The following RAD54B variants were observed in gnomAD, a reference collection of about 807,000 sequenced individuals.
RAD54B encodes the protein RAD54 homolog B.
In RAD54B, 78 loss-of-function variants were observed where a neutral mutation model predicts 95.8. The ratio of observed to expected loss-of-function variants is 0.81; its 90% CI spans 0.68 to 0.98. RAD54B has a LOEUF of 0.98. Among genes scored for constraint, RAD54B ranks in the 50% least tolerant of loss-of-function variants. RAD54B has a pLI of 0.00. For missense variants in RAD54B, 957 were observed against 1,056.6 expected, an observed-to-expected ratio of 0.91 and a Z score of 1.31; for synonymous variants, 328 against 354.9, an observed-to-expected ratio of 0.92 and a Z score of 0.85.
chr8:94,474,780 C>A (rs1563670774), intron 1 of RAD54B, among the ~76,000 whole-genome samples: 1 of 152,192 alleles, frequency 6.6e-6, no homozygotes, highest in African/African-American at 2.4e-5. Flanking sequence ...AACCCTAAAC[C>A]CCCACCGCCC....
intron 3 of RAD54B, among the ~76,000 whole-genome samples, chr8:94,434,294 T>C (rs1211589462): frequency 2.0e-5 from 3 of 151,840 alleles, no homozygotes; most frequent in Admixed American, 2.0e-4. Context: ...TCTGGAACAT[T>C]CCTTTCCATT....
chr8:94,383,380 A>G, intron 11 of RAD54B, among the ~76,000 whole-genome samples: 1 of 152,044 alleles, frequency 6.6e-6, no homozygotes, highest in East Asian at 1.9e-4. Flanking sequence ...CTCACAGAGG[A>G]AAGACAAAGA....
At chr8:94,470,712 C>T (rs1297134906) in intron 1 of RAD54B, among the ~76,000 whole-genome samples, 2 of 150,284 alleles carry the variant, frequency 1.3e-5, no homozygotes, top group Non-Finnish European at 3.0e-5. Context: ...AAGCTGAGAT[C>T]GCACCACTGC....
At chr8:94,430,099 G>A in intron 3 of RAD54B, 1 of 846,034 alleles carries the variant, frequency 1.2e-6, no homozygotes, top group Non-Finnish European at 1.4e-6. Context: ...AGATCACGAG[G>A]TCAGGAGATC....
At chr8:94,408,472 G>A (rs1371731655) in intron 4 of RAD54B, among the ~76,000 whole-genome samples, 6 of 152,036 alleles carry the variant, frequency 3.9e-5, no homozygotes, top group Admixed American at 3.9e-4. Flanking sequence ...AAGCAAAGGA[G>A]CTGTGTATAC....
At chr8:94,435,001 G>T (rs1381582590) in intron 3 of RAD54B, among the ~76,000 whole-genome samples, 1 of 151,608 alleles carries the variant, frequency 6.6e-6, no homozygotes, top group Admixed American at 6.6e-5. Flanking sequence ...TTTAAAATAT[G>T]CAACTAACTA....
At chr8:94,373,995 C>T (rs762557716) in intron 14 of RAD54B, among the ~76,000 whole-genome samples, 19 of 152,110 alleles carry the variant, frequency 1.2e-4, no homozygotes, top group Non-Finnish European at 1.5e-4. Context: ...AAAGAGATGA[C>T]AAGGCCGGGC....
chr8:94,445,386 T>C (rs1812497492), intron 3 of RAD54B, among the ~76,000 whole-genome samples: 1 of 152,154 alleles, frequency 6.6e-6, no homozygotes, highest in South Asian at 2.1e-4. Flanking sequence ...CCTTTGTAAT[T>C]TTCACTTTCC....
In RAD54B at chr8:94,387,149, C is replaced by T. The variant is rs1352207468; in HGVS notation, c.1820G>A (p.Cys607Tyr). ...LLFNSIKEKE[C>Y]SSTCDKNEEK... ...TTCATTTTTATCACAAGTTGAGCTA[C>T]ATTCCTTTTCCTATTCAAAATGATG... The change falls in exon 11 of 15, where the codon TGT becomes TAT. Residue 607 changes from cysteine to tyrosine, a missense_variant. Cys to Tyr is a radical substitution (Grantham distance 194). Transcript: ENST00000336148. 3.1e-6 allele frequency: 5 copies of T among 1,588,508 alleles called. No homozygotes were observed. The highest frequency in any genetic ancestry group is 2.3e-5 in the South Asian group (2 of 85,334).
At chr8:94,451,030 G>C (rs1309469655) in intron 3 of RAD54B, among the ~76,000 whole-genome samples, 1 of 152,090 alleles carries the variant, frequency 6.6e-6, no homozygotes, top group Non-Finnish European at 1.5e-5. Context: ...GATAAATATA[G>C]ATGTAATCAT....
At chr8:94,413,453 G>C (rs1264138453) in intron 3 of RAD54B, among the ~76,000 whole-genome samples, 1 of 152,100 alleles carries the variant, frequency 6.6e-6, no homozygotes, top group Non-Finnish European at 1.5e-5. Context: ...AATGAGGAAA[G>C]GAAAGTCTTT....
intron 2 of RAD54B, 123 bp from the exon 3 acceptor site, chr8:94,458,559 T>A: frequency 2.9e-6 from 2 of 692,022 alleles, no homozygotes; most frequent in Non-Finnish European, 4.4e-6. Flanking sequence ...AAACTAGAAC[T>A]AGATATTTAA....
At chr8:94,444,982 GACCC>G (rs1248676452) in intron 3 of RAD54B, among the ~76,000 whole-genome samples, 1 of 152,142 alleles carries the variant, frequency 6.6e-6, no homozygotes, top group Non-Finnish European at 1.5e-5. Context: ...AGGCACACCT[GACCC>G]ACTCACATTT....
intron 3 of RAD54B, among the ~76,000 whole-genome samples, chr8:94,448,932 A>G (rs1812586076): frequency 6.6e-6 from 1 of 152,156 alleles, no homozygotes; most frequent in Non-Finnish European, 1.5e-5. Flanking sequence ...TGCTCTGGTC[A>G]CACACAAAAA....
At chr8:94,447,349 C>A (rs1409686829) in intron 3 of RAD54B, among the ~76,000 whole-genome samples, 2 of 152,164 alleles carry the variant, frequency 1.3e-5, no homozygotes, top group East Asian at 3.8e-4. Context: ...AGCCTCTCTG[C>A]CTCAGAAGCT....
intron 3 of RAD54B, among the ~76,000 whole-genome samples, chr8:94,413,827 CT>C (rs34318667): frequency 0.14 from 19,372 of 139,074 alleles, 1,819 homozygotes; most frequent in African/African-American, 0.27. Context: ...AATAATTATT[CT>C]TTTTTTTTTT....
intron 3 of RAD54B, among the ~76,000 whole-genome samples, chr8:94,416,136 A>G (rs1811657724): frequency 2.0e-5 from 3 of 151,570 alleles, no homozygotes; most frequent in Admixed American, 2.0e-4. Context: ...ACAATGATAG[A>G]CTGGATTAAG....
chr8:94,465,387 A>G (rs1812998859), intron 2 of RAD54B, among the ~76,000 whole-genome samples: 1 of 152,246 alleles, frequency 6.6e-6, no homozygotes, highest in South Asian at 2.1e-4. Flanking sequence ...ACAAATGGCC[A>G]ATAAGCACAT....
At chr8:94,425,447 A>C (rs563224568) in intron 3 of RAD54B, among the ~76,000 whole-genome samples, 10 of 152,142 alleles carry the variant, frequency 6.6e-5, no homozygotes, top group Non-Finnish European at 1.2e-4. Context: ...AAATTCAATA[A>C]AGAATGTAAA....
Sources: allele counts gnomAD v4.1 joint callset (sites outside exome capture counted in the v4.1 genomes callset), GRCh38; gene constraint gnomAD v4.1.1; transcripts MANE v1.5; gene names NCBI Gene and HGNC (gene_info 2026-07-23, HGNC 2026-07-21).